KIAA0825: variants seen among roughly 807,000 people sequenced by gnomAD.
The protein encoded by KIAA0825 is uncharacterized protein KIAA0825.
KIAA0825 carries 119 observed loss-of-function variants against 147.6 expected under a neutral mutation model. That is an observed-to-expected ratio of 0.81 (90% confidence interval 0.69 to 0.94). The LOEUF (loss-of-function observed/expected upper bound fraction) is 0.94, where lower values mean the gene tolerates loss of function less well. Among genes scored for constraint, KIAA0825 ranks in the 40% least tolerant of loss-of-function variants. KIAA0825 has a pLI of 0.00. For synonymous variants in KIAA0825, 470 were observed against 518.1 expected, an observed-to-expected ratio of 0.91 and a Z score of 1.26; for missense variants, 1,381 against 1,472.7, an observed-to-expected ratio of 0.94 and a Z score of 1.02.
intron 20 of KIAA0825, among the ~76,000 whole-genome samples, chr5:94,186,465 A>C (rs1403882669): frequency 6.6e-6 from 1 of 152,204 alleles, no homozygotes; most frequent in Non-Finnish European, 1.5e-5. Flanking sequence ...GACATAAGCA[A>C]GGGATATGTG....
intron 20 of KIAA0825, among the ~76,000 whole-genome samples, chr5:94,246,493 G>C (rs1172549588): frequency 6.6e-6 from 1 of 152,098 alleles, no homozygotes; most frequent in Non-Finnish European, 1.5e-5. Context: ...GTCAGGTGGG[G>C]TGGCACACAC....
intron 20 of KIAA0825, among the ~76,000 whole-genome samples, chr5:94,298,391 T>TA (rs1179349307): frequency 2.0e-5 from 3 of 152,186 alleles, no homozygotes; most frequent in African/African-American, 7.2e-5. Flanking sequence ...TTAGCTATGA[T>TA]AAAAATGCAT....
chr5:94,456,566 A>C (rs1193612746), intron 12 of KIAA0825, among the ~76,000 whole-genome samples: 3 of 152,208 alleles, frequency 2.0e-5, no homozygotes, highest in Non-Finnish European at 4.4e-5. Flanking sequence ...GGAGCCAGAG[A>C]GCCTGGGCTT....
intron 20 of KIAA0825, among the ~76,000 whole-genome samples, chr5:94,230,076 G>A (rs1173403430): frequency 6.6e-6 from 1 of 152,132 alleles, no homozygotes; most frequent in Non-Finnish European, 1.5e-5. Flanking sequence ...GCATGAAGGA[G>A]GTGGGGCTGT....
chr5:94,570,848 C>G (rs918596017), intron 2 of KIAA0825, among the ~76,000 whole-genome samples: 1 of 152,166 alleles, frequency 6.6e-6, no homozygotes, highest in Non-Finnish European at 1.5e-5. Context: ...TTGAGTACCA[C>G]CCAAGTATTG....
Position 94,426,076 on chromosome 5 carries a change from G to C in KIAA0825, c.2498-8711C>G, listed in dbSNP as rs538579768. Among the ~76,000 whole-genome samples, 7 of 150,070 alleles carry C rather than the reference G, an allele frequency of 4.7e-5. No homozygotes were observed. The South Asian group carries it at 1.5e-3, about 32-fold the overall frequency. ...TATAGAGAGAAGGTCTTGCTATGTT[G>C]CCCAGGATAGTCTTGAATTCCTGGT... On this transcript the variant is annotated intron_variant, in intron 14 of 20. Coordinates refer to ENST00000682413, the MANE Select transcript of KIAA0825 (RefSeq NM_001145678.3).
intron 20 of KIAA0825, among the ~76,000 whole-genome samples, chr5:94,290,206 A>G (rs113652929): frequency 0.09 from 13,672 of 152,190 alleles, 683 homozygotes; most frequent in East Asian, 0.1. Context: ...ACATAGATAT[A>G]CATGTGCCAT....
intron 20 of KIAA0825, among the ~76,000 whole-genome samples, chr5:94,178,348 G>A (rs1198662311): frequency 6.6e-6 from 1 of 151,922 alleles, no homozygotes; most frequent in Non-Finnish European, 1.5e-5. Context: ...AGTTAAATAA[G>A]GAGGAGATTG....
chr5:94,537,326 G>C (rs2151338123), intron 2 of KIAA0825, among the ~76,000 whole-genome samples, 199 bp from the exon 3 acceptor site: 1 of 152,258 alleles, frequency 6.6e-6, no homozygotes, highest in Admixed American at 6.5e-5. Context: ...AATTTCATGA[G>C]GTGTGACCTA....
At chr5:94,290,921 T>A (rs1777860640) in intron 20 of KIAA0825, among the ~76,000 whole-genome samples, 1 of 152,268 alleles carries the variant, frequency 6.6e-6, no homozygotes. Context: ...CTTGGCCACA[T>A]GAATGTCTTC....
intron 1 of KIAA0825, among the ~76,000 whole-genome samples, chr5:94,612,939 C>A (rs775568655): frequency 3.3e-5 from 5 of 152,134 alleles, no homozygotes. Flanking sequence ...ACATTTAATC[C>A]TAGTAAAGTT....
chr5:94,594,139 T>A, intron 1 of KIAA0825: 1 of 553,646 alleles, frequency 1.8e-6, no homozygotes, highest in Non-Finnish European at 3.7e-6. Context: ...TTTTCCTGAA[T>A]ATCTGCTAAA....
chr5:94,393,247 C>A (rs1279891879), intron 17 of KIAA0825, among the ~76,000 whole-genome samples: 10 of 152,170 alleles, frequency 6.6e-5, no homozygotes. Flanking sequence ...CTGCATTAAT[C>A]TTAATCTGTA....
rs563663514 is a variant in KIAA0825 at position 94,295,212 on chromosome 5, G to A, written c.3710+89156C>T. On this transcript the variant is annotated intron_variant, in intron 20 of 20. Coordinates refer to ENST00000682413, the MANE Select transcript of KIAA0825 (RefSeq NM_001145678.3). ...ATCCTTTCTTCTGCTTGATCAATTC[G>A]GCTACTGATACTTGTGTATGCTTCA... Among the ~76,000 whole-genome samples the A allele has an allele frequency of 4.0e-5, 6 of 151,222 alleles. No homozygotes were observed. The East Asian group carries it at 5.9e-4, about 15-fold the overall frequency.
At chr5:94,238,429 C>A (rs1775175486) in intron 20 of KIAA0825, among the ~76,000 whole-genome samples, 1 of 152,016 alleles carries the variant, frequency 6.6e-6, no homozygotes, top group African/African-American at 2.4e-5. Context: ...TTATATAAAT[C>A]CAAGATATAG....
chr5:94,595,264 C>T (rs1451732), intron 1 of KIAA0825, among the ~76,000 whole-genome samples: 2,452 of 152,328 alleles, frequency 0.016, 69 homozygotes, highest in African/African-American at 0.055. Context: ...GACACCCATA[C>T]ATTTCCATAC....
At chr5:94,474,694 G>C (rs961937609) in intron 7 of KIAA0825, among the ~76,000 whole-genome samples, 3 of 151,998 alleles carry the variant, frequency 2.0e-5, no homozygotes, top group African/African-American at 7.3e-5. Flanking sequence ...TCAGAAACAT[G>C]GCTCTTGCTC....
chr5:94,434,017 C>T (rs1756028457), intron 14 of KIAA0825, among the ~76,000 whole-genome samples: 1 of 152,124 alleles, frequency 6.6e-6, no homozygotes, highest in Non-Finnish European at 1.5e-5. Context: ...AGAACAATTG[C>T]CTTGGGTGTC....
intron 10 of KIAA0825, 22 bp from the exon 11 acceptor site, chr5:94,465,081 A>G: frequency 6.5e-7 from 1 of 1,547,118 alleles, no homozygotes; most frequent in Non-Finnish European, 8.7e-7. Flanking sequence ...AGCACACGTT[A>G]AACCATAGAG....
Sources: gnomAD v4.1 joint callset for allele counts (sites outside exome capture counted in the v4.1 genomes callset) on GRCh38, gnomAD v4.1.1 for gene constraint, MANE v1.5 for transcripts, NCBI Gene and HGNC (gene_info 2026-07-23, HGNC 2026-07-21) for gene names.